The following PDE8B variants were observed in gnomAD, a reference collection of about 807,000 sequenced individuals.
The protein encoded by PDE8B is high affinity cAMP-specific and IBMX-insensitive 3',5'-cyclic phosphodiesterase 8B.
PDE8B carries 26 observed loss-of-function variants against 101.3 expected under a neutral mutation model. That is an observed-to-expected ratio of 0.26 (90% CI 0.19 to 0.36). The LOEUF is 0.36. Ranked by LOEUF, PDE8B falls within the 10% of genes least tolerant of loss-of-function variation. The pLI, the probability that PDE8B is intolerant of heterozygous loss-of-function variation, is 1.00. For missense variants in PDE8B, 810 were observed against 1,163.1 expected, an observed-to-expected ratio of 0.70 and a Z score of 4.42; for synonymous variants, 424 against 429.3, an observed-to-expected ratio of 0.99 and a Z score of 0.15.
upstream of PDE8B, among the ~76,000 whole-genome samples, chr5:77,208,182 T>C (rs530002406): frequency 1.3e-5 from 2 of 152,232 alleles, no homozygotes; most frequent in Non-Finnish European, 1.5e-5. Context: ...CACCAGAAGA[T>C]TGGTTGTAAT....
At chr5:77,099,871 AAG>A in the PDE8B span, among the ~76,000 whole-genome samples, 3 of 151,928 alleles carry the variant, frequency 2.0e-5, no homozygotes, top group Non-Finnish European at 4.4e-5. Context: ...CAGCCTCCCA[AAG>A]TGCGGGGATT....
the PDE8B span, among the ~76,000 whole-genome samples, chr5:77,179,649 C>A: frequency 6.6e-6 from 1 of 152,208 alleles, no homozygotes; most frequent in Non-Finnish European, 1.5e-5. Context: ...AGAAGCTTAG[C>A]TGCACCTTTG....
intron 1 of PDE8B, among the ~76,000 whole-genome samples, chr5:77,224,312 T>A (rs1751862862): frequency 6.6e-6 from 1 of 152,222 alleles, no homozygotes; most frequent in Admixed American, 6.5e-5. Context: ...GATAATAATA[T>A]ACAAGCCGAT....
intron 1 of PDE8B, among the ~76,000 whole-genome samples, chr5:77,230,736 G>A (rs1359657958): frequency 6.6e-6 from 1 of 152,188 alleles, no homozygotes; most frequent in East Asian, 1.9e-4. Context: ...TGAGCCACCA[G>A]ACCCGGCCAT....
the PDE8B span, among the ~76,000 whole-genome samples, chr5:77,195,575 C>A: frequency 5.3e-5 from 8 of 152,076 alleles, no homozygotes; most frequent in African/African-American, 1.9e-4. Flanking sequence ...GGGATGCTGA[C>A]CCCCTGCACA....
chr5:77,325,819 T>C, intron 3 of PDE8B, 90 bp downstream of exon 3: 1 of 937,548 alleles, frequency 1.1e-6, no homozygotes, highest in Non-Finnish European at 1.7e-6. Flanking sequence ...TTATTTCAAA[T>C]ATTTTTAAAA....
the PDE8B span, among the ~76,000 whole-genome samples, chr5:77,158,807 C>T: frequency 1.3e-5 from 2 of 152,292 alleles, no homozygotes; most frequent in South Asian, 2.1e-4. Flanking sequence ...ACAGATCCCA[C>T]TACACCTGAG....
In PDE8B at chr5:77,386,226, TGTG is replaced by T. The variant is rs546803415; in HGVS notation, c.1168-14018_1168-14016del. On this transcript the variant is annotated intron_variant, in intron 10 of 21. Transcript: ENST00000264917. ...GTGGTCAATTTTGGAATAAGTGTGATGTGGTGCTGAGAGGAATGTATATTCTGT... is the reference window on the plus strand; with the variant it reads ...GTGGTCAATTTTGGAATAAGTGTGATGTGCTGAGAGGAATGTATATTCTGT... Among the ~76,000 whole-genome samples, 33 of 152,332 alleles carry T rather than the reference TGTG, an allele frequency of 2.2e-4. No homozygotes were observed. The South Asian group carries it at 5.4e-3, about 25-fold the overall frequency.
At chr5:77,171,863 A>G in the PDE8B span, among the ~76,000 whole-genome samples, 28,011 of 152,030 alleles carry the variant, frequency 0.18, 4,084 homozygotes, top group African/African-American at 0.39. Flanking sequence ...GACTGACTGG[A>G]AGCCAGAGGG....
chr5:77,327,817 C>T (rs1776319139), intron 3 of PDE8B, among the ~76,000 whole-genome samples: 1 of 152,134 alleles, frequency 6.6e-6, no homozygotes, highest in Non-Finnish European at 1.5e-5. Flanking sequence ...CATTTATCAA[C>T]AGAGGAAACT....
the PDE8B span, among the ~76,000 whole-genome samples, chr5:77,135,053 T>C: frequency 6.6e-6 from 1 of 152,162 alleles, no homozygotes. Flanking sequence ...GATCACTGAA[T>C]AAGATGAGGA....
chr5:77,189,159 G>A, the PDE8B span, among the ~76,000 whole-genome samples: 64 of 152,288 alleles, frequency 4.2e-4, no homozygotes, highest in African/African-American at 1.5e-3. Context: ...TGAGCAGCAG[G>A]GGAGGACACA....
intron 1 of PDE8B, among the ~76,000 whole-genome samples, chr5:77,247,186 CCTT>C (rs955409811): frequency 3.3e-5 from 5 of 152,178 alleles, no homozygotes; most frequent in African/African-American, 1.2e-4. Context: ...AAATATGAGA[CCTT>C]CTGGTTGGCT....
At chr5:77,154,258 A>G in the PDE8B span, among the ~76,000 whole-genome samples, 2 of 152,216 alleles carry the variant, frequency 1.3e-5, no homozygotes, top group Non-Finnish European at 2.9e-5. Context: ...TTATGGGATT[A>G]TCACTATCTG....
the PDE8B span, chr5:77,115,187 A>G: frequency 6.6e-6 from 1 of 152,224 alleles, no homozygotes; most frequent in African/African-American, 2.4e-5. Context: ...GTTTTATTTG[A>G]TGATTATCAT....
intron 21 of PDE8B, 188 bp from the exon 22 acceptor site, chr5:77,426,252 ACTGAT>A (rs1339328880): frequency 8.0e-6 from 5 of 626,602 alleles, no homozygotes; most frequent in Non-Finnish European, 1.4e-5. Flanking sequence ...TGATAATGTC[ACTGAT>A]AAGCAGCTTT....
chr5:77,342,651 T>TATTTGGA (rs1297157332), intron 6 of PDE8B, among the ~76,000 whole-genome samples: 1 of 152,134 alleles, frequency 6.6e-6, no homozygotes, highest in African/African-American at 2.4e-5. Context: ...ATGCTTGCTG[T>TATTTGGA]GTTGGACAGT....
the PDE8B span, chr5:77,144,476 C>T: frequency 1.3e-5 from 2 of 152,062 alleles, no homozygotes; most frequent in Non-Finnish European, 2.9e-5. Context: ...ACGGTGTCCG[C>T]TGAAAAGAAG....
rs1281281933 is a variant in PDE8B, at chr5:77,426,628, CCTTT to C, written c.*77_*80del. On this transcript the variant is annotated 3_prime_UTR_variant, in exon 22 of 22. Coordinates refer to ENST00000264917, the MANE Select transcript of PDE8B (RefSeq NM_003719.5). ...CACAGTAGCGTAAACGAGAGGCCTTCCTTTCTAATGACAATGACAGGTATTGGTG... is the reference window on the plus strand; with the variant it reads ...CACAGTAGCGTAAACGAGAGGCCTTCCTAATGACAATGACAGGTATTGGTG... 9.0e-6 allele frequency: 7 copies of C among 781,068 alleles called. No individual in the cohort carries two copies. The highest frequency in any genetic ancestry group is 5.8e-5 in the Admixed American group (3 of 52,124). 48.4% of individuals were successfully genotyped at this position (781,068 alleles called of 1,614,324 possible).
Sources: gnomAD v4.1 joint callset for allele counts (sites outside exome capture counted in the v4.1 genomes callset) on GRCh38, gnomAD v4.1.1 for gene constraint, MANE v1.5 for transcripts, NCBI Gene and HGNC (gene_info 2026-07-23, HGNC 2026-07-21) for gene names.